CCNC: variants seen among roughly 807,000 people sequenced by gnomAD.
CCNC encodes the protein cyclin-C.
A neutral mutation model predicts 50.0 loss-of-function variants in CCNC; 19 were observed. That is an observed-to-expected ratio of 0.38 (90% CI 0.27 to 0.56). The LOEUF is 0.56. Ranked by LOEUF, CCNC falls within the 20% of genes least tolerant of loss-of-function variation. The probability of loss-of-function intolerance (pLI) is 0.72; values close to 1 mark genes in which losing one functional copy is unlikely to be tolerated. For synonymous variants in CCNC, 93 were observed against 103.7 expected (o/e 0.90, Z 0.63); for missense variants, 200 against 327.1 (o/e 0.61, Z 3.00).
chr6:99,543,634 T>C, intron 11 of CCNC, 25 bp from the exon 12 acceptor site: 1 of 1,611,970 alleles, frequency 6.2e-7, no homozygotes, highest in Non-Finnish European at 8.5e-7. Flanking sequence ...AAGAAAGAGA[T>C]TTTATACCAA....
chr6:99,563,914 T>G (rs1227920019), intron 1 of CCNC, among the ~76,000 whole-genome samples: 3 of 152,106 alleles, frequency 2.0e-5, no homozygotes, highest in Non-Finnish European at 4.4e-5. Flanking sequence ...AAAAAAAAAC[T>G]CTCTTCCTAC....
At position 99,568,627 on chromosome 6, in the gene CCNC, T is replaced by C. The variant is rs1474477819; in HGVS notation, c.-100A>G. The C allele has an allele frequency of 1.3e-6, 2 of 1,553,604 alleles. No individual in the cohort carries two copies. The highest frequency in any genetic ancestry group is 2.7e-5 in the African/African-American group (2 of 72,932). ...CCGGTAACCGCGCTCCTCGATCAAA[T>C]CAGCTCGGCTCGACTCCGCTCCGCG... On this transcript the variant is annotated 5_prime_UTR_variant, in exon 1 of 12. Transcript: ENST00000520429.
intron 9 of CCNC, among the ~76,000 whole-genome samples, chr6:99,547,320 G>T (rs540492713): frequency 1.3e-5 from 2 of 152,146 alleles, no homozygotes; most frequent in East Asian, 3.9e-4. Flanking sequence ...AAAACCAAAT[G>T]ACTGACATGA....
At chr6:99,560,366 T>C (rs955312385) in intron 4 of CCNC, among the ~76,000 whole-genome samples, 1 of 152,208 alleles carries the variant, frequency 6.6e-6, no homozygotes, top group African/African-American at 2.4e-5. Context: ...AGAAAGCTTG[T>C]CTTAATATTA....
intron 4 of CCNC, among the ~76,000 whole-genome samples, chr6:99,560,307 G>A (rs1802725593): frequency 6.6e-6 from 1 of 152,108 alleles, no homozygotes; most frequent in Admixed American, 6.5e-5. Flanking sequence ...GACCTTAACT[G>A]ATTCTGCCTT....
rs758519019 is a variant in CCNC, at chr6:99,568,574, C to T, written c.-47G>A. On this transcript the variant is annotated 5_prime_UTR_variant, in exon 1 of 12. Coordinates refer to ENST00000520429, the MANE Select transcript of CCNC (RefSeq NM_005190.4). The stretch of plus-strand genomic sequence containing the variant: ...AAAAAGCACCAGCCGGCGGAGCGGC[C>T]CGCGGAGCGACCATAGACCCAGCCC... 6 of 1,599,346 alleles carry T rather than the reference C, an allele frequency of 3.8e-6. No homozygotes were observed. The highest frequency in any genetic ancestry group is 2.3e-5 in the South Asian group (2 of 88,836).
chr6:99,559,148 G>A (rs1431733547), intron 4 of CCNC, among the ~76,000 whole-genome samples: 5 of 147,422 alleles, frequency 3.4e-5, no homozygotes, highest in African/African-American at 1.0e-4. Context: ...TAAAACAGTT[G>A]AATTTGTGAA....
intron 9 of CCNC, 96 bp downstream of exon 9, chr6:99,549,412 T>TA: frequency 1.2e-6 from 1 of 816,974 alleles, no homozygotes; most frequent in Non-Finnish European, 2.1e-6. Flanking sequence ...TCATGGAACA[T>TA]AAAAACATAA....
Position 99,562,933 on chromosome 6 carries a change from C to A in CCNC, c.48G>T (p.Leu16Phe). ...GCTCCTTCAACAGATCTTGTTTATC[C>A]AAAATCCATTGCAAACTAGAAAAGA... ...WQSSHYLQWI[L>F]DKQDLLKERQ... Residue 16 changes from leucine (L) to phenylalanine (F), a missense_variant, in exon 2 of 12, where the codon TTG becomes TTT. Coordinates refer to ENST00000520429, the MANE Select transcript of CCNC (RefSeq NM_005190.4). 1 of 1,601,466 alleles carries A rather than the reference C, an allele frequency of 6.2e-7. No individual in the cohort carries two copies. Among genetic ancestry groups the A allele is most frequent in the Non-Finnish European group, 8.5e-7 (1 of 1,173,830 alleles).
Position 99,562,941 on chromosome 6 carries a change from A to G in CCNC, c.40T>C (p.Trp14Arg). 6.3e-7 allele frequency: 1 copy of G among 1,591,254 alleles called. No homozygotes were observed. Among genetic ancestry groups the G allele is most frequent in the Non-Finnish European group, 8.6e-7 (1 of 1,165,584 alleles). The change falls in exon 2 of 12, where the codon TGG becomes CGG. Residue 14 changes from tryptophan to arginine, a missense_variant. Trp to Arg is a moderately radical substitution (Grantham distance 101). Transcript: ENST00000520429. ...AACAGATCTTGTTTATCCAAAATCC[A>G]TTGCAAACTAGAAAAGACATGTTAC... ...NFWQSSHYLQ[W>R]ILDKQDLLKE... is the part of the protein sequence containing the mutation.
chr6:99,550,444 T>G lies in CCNC; in HGVS notation c.439-135A>C, dbSNP rs565376537. On this transcript the variant is annotated intron_variant, in intron 7 of 11. Transcript: ENST00000520429. ...CTAACTCATGCTTGCTTCCCTTTTA[T>G]TCTCTTAAGCTAGCAGTATGACAGC... 2.3e-5 allele frequency: 15 copies of G among 643,450 alleles called. No homozygotes were observed. In the Middle Eastern group the frequency reaches 9.9e-4, roughly 42 times the overall value. The allele number at this position is 643,450 out of a possible 1,614,324, so 39.9% of individuals were successfully genotyped here. A position where few individuals can be genotyped will look rare whatever the true frequency, so the allele number is the denominator to read the frequency against.
chr6:99,545,049 A>T, intron 11 of CCNC, 63 bp downstream of exon 11: 1 of 752,362 alleles, frequency 1.3e-6, no homozygotes, highest in Non-Finnish European at 2.2e-6. Context: ...ACATAATCTA[A>T]GAAAAATATA....
chr6:99,549,757 A>G (rs1224958437), intron 8 of CCNC, 182 bp from the exon 9 acceptor site: 2 of 458,254 alleles, frequency 4.4e-6, no homozygotes, highest in African/African-American at 3.9e-5. Context: ...TGTGACAACA[A>G]ATAAGCACAT....
At chr6:99,544,750 A>T (rs972525282) in intron 11 of CCNC, among the ~76,000 whole-genome samples, 7 of 151,438 alleles carry the variant, frequency 4.6e-5, no homozygotes, top group African/African-American at 1.5e-4. Flanking sequence ...GCAGTGAAAA[A>T]AAAAAAAAAA....
At chr6:99,564,383 C>A (rs1769023640) in intron 1 of CCNC, among the ~76,000 whole-genome samples, 1 of 147,460 alleles carries the variant, frequency 6.8e-6, no homozygotes, top group African/African-American at 2.5e-5. Flanking sequence ...TGAGATCATA[C>A]CACTGCACTC....
At chr6:99,546,313 C>A in intron 10 of CCNC, 82 bp downstream of exon 10, 1 of 869,774 alleles carries the variant, frequency 1.1e-6, no homozygotes, top group Non-Finnish European at 2.0e-6. Flanking sequence ...GCCTGGTGGA[C>A]ATCACAAGAT....
intron 4 of CCNC, among the ~76,000 whole-genome samples, chr6:99,560,518 T>C (rs937703996): frequency 3.8e-4 from 58 of 152,184 alleles, no homozygotes; most frequent in African/African-American, 1.4e-3. Flanking sequence ...TCACATTCAA[T>C]ATTCAAGAAT....
rs753318368 is a variant in CCNC at position 99,561,363 on chromosome 6, A to G, written c.294+4T>C. ...TTGATGAAGAACAGAAAATTGTTTT[A>G]TACCTCTACTTTGGATGCCAAAAAC... On this transcript the variant is annotated splice_donor_region_variant and intron_variant, in intron 4 of 11. Transcript: ENST00000520429. The G allele has an allele frequency of 1.5e-4, 232 of 1,594,090 alleles. No individual in the cohort carries two copies. The highest frequency in any genetic ancestry group is 1.9e-4 in the Non-Finnish European group (224 of 1,163,000).
intron 9 of CCNC, chr6:99,549,288 C>CAAAAA: frequency 3.5e-5 from 17 of 487,830 alleles, no homozygotes; most frequent in South Asian, 4.6e-5. Context: ...TGAATGGTTT[C>CAAAAA]AAAAAAAAAA....
Sources: allele counts gnomAD v4.1 joint callset (sites outside exome capture counted in the v4.1 genomes callset), GRCh38; gene constraint gnomAD v4.1.1; transcripts MANE v1.5; gene names NCBI Gene and HGNC (gene_info 2026-07-23, HGNC 2026-07-21).